The following RCN2 variants were observed in gnomAD, a reference collection of about 807,000 sequenced individuals.
The protein encoded by RCN2 is reticulocalbin 2, also known as reticulocalbin-2.
A neutral mutation model predicts 37.5 loss-of-function variants in RCN2; 23 were observed. The ratio of observed to expected loss-of-function variants is 0.61; its 90% CI spans 0.44 to 0.87. The LOEUF is 0.87. Ranked by LOEUF, RCN2 falls within the 40% of genes least tolerant of loss-of-function variation. The pLI is 0.00. For synonymous variants in RCN2, 140 were observed against 144.6 expected (o/e 0.97, Z 0.23); for missense variants, 381 against 390.4 (o/e 0.98, Z 0.20).
chr15:76,946,675 C>T (rs990898824), intron 4 of RCN2, among the ~76,000 whole-genome samples: 2 of 152,048 alleles, frequency 1.3e-5, no homozygotes, highest in African/African-American at 2.4e-5. Context: ...TTGCTTGAAC[C>T]CGGGAAGCAG....
chr15:76,947,086 G>A (rs949469584), intron 4 of RCN2, among the ~76,000 whole-genome samples: 18 of 152,152 alleles, frequency 1.2e-4, no homozygotes, highest in African/African-American at 3.6e-4. Flanking sequence ...AGAGATGTGC[G>A]GAAAATAGCA....
chr15:76,947,533 G>T lies in RCN2; in HGVS notation c.658+16G>T, dbSNP rs77502272. 8,581 of 1,470,930 alleles carry T rather than the reference G, an allele frequency of 5.8e-3. 290 individuals are homozygous for T. The Admixed American group carries it at 0.079, about 14-fold the overall frequency. The allele number at this position is 1,470,930 out of a possible 1,614,324, so 91.1% of individuals were successfully genotyped here. On this transcript the variant is annotated intron_variant, in intron 5 of 6. Transcript: ENST00000394885. ...TGGGATCCAAGTAAGTCACCTGGGA[G>T]AATGTGAAAAGAGAAAAGGAATTGA...
Position 76,931,820 on chromosome 15 carries a change from G to C in RCN2, c.-22G>C. ...CCAGCCTCCCTCCTCGCGTCCCTCG[G>C]TGTCCTCCGCGGGCCGGCGCGATGC... On this transcript the variant is annotated 5_prime_UTR_variant, in exon 1 of 7. Transcript: ENST00000394885. 8.2e-7 allele frequency: 1 copy of C among 1,214,522 alleles called. No individual in the cohort carries two copies. The highest frequency in any genetic ancestry group is 1.0e-6 in the Non-Finnish European group (1 of 978,040). The allele number at this position is 1,214,522 out of a possible 1,614,324, so 75.2% of individuals were successfully genotyped here. A position where few individuals can be genotyped will look rare whatever the true frequency, so the allele number is the denominator to read the frequency against.
intron 4 of RCN2, among the ~76,000 whole-genome samples, chr15:76,946,286 C>T (rs2075296373): frequency 6.6e-6 from 1 of 151,818 alleles, no homozygotes; most frequent in African/African-American, 2.4e-5. Flanking sequence ...CAGACCTTGT[C>T]TCTACAAAAA....
At position 76,948,331 on chromosome 15, in the gene RCN2, A is replaced by C. The variant is rs2075304586; in HGVS notation, c.659-79A>C. 6 of 996,952 alleles carry C rather than the reference A, an allele frequency of 6.0e-6. No individual in the cohort carries two copies. In the South Asian group the frequency reaches 1.3e-4, roughly 21 times the overall value. The allele number at this position is 996,952 out of a possible 1,614,324, so 61.8% of individuals were successfully genotyped here. ...AGTAAACTTTAAATTCACTTCCTTT[A>C]TTCTAGGGATATACCAAACTTCTTA... On this transcript the variant is annotated intron_variant, in intron 5 of 6. Coordinates refer to ENST00000394885, the MANE Select transcript of RCN2 (RefSeq NM_002902.3).
rs2075325771 is a variant in RCN2 at position 76,952,407 on chromosome 15, T to C, written c.*3185T>C. ...CCAAGCAATACTGATCTTTTTACTG[T>C]TCATAATTTTTTAGATTGTAGTAAA... On this transcript the variant is annotated 3_prime_UTR_variant, in exon 7 of 7. Coordinates refer to ENST00000394885, the MANE Select transcript of RCN2 (RefSeq NM_002902.3). The C allele has an allele frequency of 6.6e-6, 1 of 152,206 alleles. No homozygotes were observed. The highest frequency in any genetic ancestry group is 1.5e-5 in the Non-Finnish European group (1 of 68,044). 9.4% of individuals were successfully genotyped at this position (152,206 alleles called of 1,614,324 possible). A position where few individuals can be genotyped will look rare whatever the true frequency, so the allele number is the denominator to read the frequency against.
At chr15:76,936,320 G>A (rs771809278) in intron 3 of RCN2, among the ~76,000 whole-genome samples, 9 of 152,074 alleles carry the variant, frequency 5.9e-5, no homozygotes, top group Admixed American at 2.0e-4. Context: ...TTAAAGCAGA[G>A]GTCCCCAACC....
chr15:76,935,815 G>A, intron 3 of RCN2, 93 bp downstream of exon 3: 1 of 902,954 alleles, frequency 1.1e-6, no homozygotes, highest in South Asian at 1.7e-5. Context: ...GAGGTCATAA[G>A]CTGGATTGTC....
intron 5 of RCN2, chr15:76,947,997 A>G (rs2075303410): frequency 6.2e-6 from 1 of 162,564 alleles, no homozygotes. Context: ...AAACAATGCC[A>G]TTTTTAAATT....
In RCN2 at chr15:76,953,594, T is replaced by TATATATATATATA. The variant is rs1212518050; in HGVS notation, c.*4372_*4373insATATATATATATA. The TATATATATATATA allele has an allele frequency of 1.5e-3, 13 of 8,486 alleles. No homozygotes were observed. Among genetic ancestry groups the TATATATATATATA allele is most frequent in the Non-Finnish European group, 2.7e-3 (12 of 4,388 alleles). 0.5% of individuals were successfully genotyped at this position (8,486 alleles called of 1,614,324 possible). A position where few individuals can be genotyped will look rare whatever the true frequency, so the allele number is the denominator to read the frequency against. Reference sequence around the variant, plus strand: ...ATATATATATATATATATATATATATTTTTTTTTTTTTTTTTTTTTTTTTT... The same window carrying TATATATATATATA: ...ATATATATATATATATATATATATATATATATATATATATTTTTTTTTTTTTTTTTTTTTTTTT... On this transcript the variant is annotated 3_prime_UTR_variant, in exon 7 of 7. Coordinates refer to ENST00000394885, the MANE Select transcript of RCN2 (RefSeq NM_002902.3).
In RCN2 at chr15:76,953,553, TTCTATATATATA is replaced by T. The variant is rs1361863162; in HGVS notation, c.*4333_*4344del. ...GTGGGATTGCTGGATCATATAGTAA[TTCTATATATATA>T]TATATATATATATATATATATATAT... On this transcript the variant is annotated 3_prime_UTR_variant, in exon 7 of 7. Coordinates refer to ENST00000394885, the MANE Select transcript of RCN2 (RefSeq NM_002902.3). 5.2e-5 allele frequency: 4 copies of T among 77,524 alleles called. No individual in the cohort carries two copies. The highest frequency in any genetic ancestry group is 2.2e-4 in the African/African-American group (4 of 17,862). The allele number at this position is 77,524 out of a possible 1,614,324, so 4.8% of individuals were successfully genotyped here. A position where few individuals can be genotyped will look rare whatever the true frequency, so the allele number is the denominator to read the frequency against.
chr15:76,937,239 T>C (rs763048719), intron 3 of RCN2, among the ~76,000 whole-genome samples: 2 of 152,182 alleles, frequency 1.3e-5, no homozygotes, highest in Admixed American at 6.5e-5. Flanking sequence ...GAAATGCTCA[T>C]TGAAGCATCT....
At chr15:76,948,588 C>A (rs771665710) in intron 6 of RCN2, 36 bp downstream of exon 6, 3 of 1,477,402 alleles carry the variant, frequency 2.0e-6, no homozygotes, top group Non-Finnish European at 2.7e-6. Flanking sequence ...TCTCCACCCC[C>A]TCCCCCCGAA....
At position 76,954,118 on chromosome 15, in the gene RCN2, T is replaced by G. The variant is rs1489256162; in HGVS notation, c.*4896T>G. 1 of 151,710 alleles carries G rather than the reference T, an allele frequency of 6.6e-6. No individual in the cohort carries two copies. Among genetic ancestry groups the G allele is most frequent in the African/African-American group, 2.4e-5 (1 of 41,254 alleles). The allele number at this position is 151,710 out of a possible 1,614,324, so 9.4% of individuals were successfully genotyped here. On this transcript the variant is annotated 3_prime_UTR_variant, in exon 7 of 7. Transcript: ENST00000394885. ...GTGGTATCTCGTTGTGGCTTTGATT[T>G]GCATTTCCCTAATGGTCTGTCTCTA...
chr15:76,939,124 G>T (rs1428207451), intron 3 of RCN2, among the ~76,000 whole-genome samples: 1 of 152,150 alleles, frequency 6.6e-6, no homozygotes, highest in African/African-American at 2.4e-5. Context: ...CCAGCTATTT[G>T]GGAGGCTGAG....
intron 3 of RCN2, 120 bp from the exon 4 acceptor site, chr15:76,943,638 G>A (rs1043215433): frequency 5.0e-6 from 3 of 602,264 alleles, no homozygotes; most frequent in Non-Finnish European, 9.0e-6. Context: ...ACCTTCAAAG[G>A]GACGATGTGA....
At position 76,951,116 on chromosome 15, in the gene RCN2, T is replaced by C. The variant is rs939221052; in HGVS notation, c.*1894T>C. 2 of 152,270 alleles carry C rather than the reference T, an allele frequency of 1.3e-5. No homozygotes were observed. The highest frequency in any genetic ancestry group is 4.8e-5 in the African/African-American group (2 of 41,480). The allele number at this position is 152,270 out of a possible 1,614,324, so 9.4% of individuals were successfully genotyped here. On this transcript the variant is annotated 3_prime_UTR_variant, in exon 7 of 7. Transcript: ENST00000394885. ...TTAACTATTTGTTTTTCTCTCTAGC[T>C]TCTCCAAAATCTATGCCAGAATAGA...
At chr15:76,944,004 T>G (rs2075286031) in intron 4 of RCN2, 133 bp downstream of exon 4, 1 of 453,866 alleles carries the variant, frequency 2.2e-6, no homozygotes, top group African/African-American at 2.1e-5. Flanking sequence ...TTTTTTTTTT[T>G]TTTTTTGAGA....
chr15:76,943,953 GTAGGT>G (rs978240738), intron 4 of RCN2, 82 bp downstream of exon 4: 1 of 494,982 alleles, frequency 2.0e-6, no homozygotes, highest in African/African-American at 2.1e-5. Context: ...TGGGTACATA[GTAGGT>G]ATATATGTTT....
Sources: gnomAD v4.1 joint callset for allele counts (sites outside exome capture counted in the v4.1 genomes callset) on GRCh38, gnomAD v4.1.1 for gene constraint, MANE v1.5 for transcripts, NCBI Gene and HGNC (gene_info 2026-07-23, HGNC 2026-07-21) for gene names.